TJAP1: variants seen among roughly 807,000 people sequenced by gnomAD.
TJAP1 encodes the protein tight junction-associated protein 1.
TJAP1 carries 27 observed loss-of-function variants against 42.0 expected under a neutral mutation model. The observed-to-expected ratio is 0.64, with a 90% CI of 0.47 to 0.89. The LOEUF is 0.89. Among genes scored for constraint, TJAP1 ranks in the 40% least tolerant of loss-of-function variants. The pLI, the probability that TJAP1 is intolerant of heterozygous loss-of-function variation, is 0.00. For missense variants in TJAP1, 712 were observed against 726.9 expected (o/e 0.98, Z 0.24); for synonymous variants, 257 against 288.4 (o/e 0.89, Z 1.10).
chr6:43,498,805 A>G, intron 3 of TJAP1, 173 bp from the exon 4 acceptor site: 1 of 577,850 alleles, frequency 1.7e-6, no homozygotes, highest in Non-Finnish European at 3.0e-6. Flanking sequence ...CCTTTGACCT[A>G]TGGGGACTGA....
At chr6:43,504,593 T>A in intron 10 of TJAP1, 168 bp from the exon 11 acceptor site, 1 of 866,938 alleles carries the variant, frequency 1.2e-6, no homozygotes, top group Non-Finnish European at 1.8e-6. Context: ...TCCAGGCCTA[T>A]GTGTCTGTGA....
Position 43,492,498 on chromosome 6 carries a change from G to A in TJAP1, c.-121-5383G>A, listed in dbSNP as rs1448555307. Among the ~76,000 whole-genome samples the A allele has an allele frequency of 6.6e-6, 1 of 152,146 alleles. No homozygotes were observed. Among genetic ancestry groups the A allele is most frequent in the East Asian group, 1.9e-4 (1 of 5,202 alleles). On this transcript the variant is annotated intron_variant, in intron 2 of 10. Transcript: ENST00000372449. This position sits in a 1 kb window ranked among gnomAD's most constrained non-coding sequence, Gnocchi z 4.2. ...TTGGCTGCCTGCCTGCCACGCGCCCGGGATTGCTGAAGGCTTTACTCATGT... is the reference window on the plus strand; with the variant it reads ...TTGGCTGCCTGCCTGCCACGCGCCCAGGATTGCTGAAGGCTTTACTCATGT...
rs1196752682 is a variant in TJAP1, at chr6:43,488,995, A to G, written c.-121-8886A>G. Among the ~76,000 whole-genome samples, 3 of 152,100 alleles carry G rather than the reference A, an allele frequency of 2.0e-5. No homozygotes were observed. The East Asian group carries it at 5.8e-4, about 29-fold the overall frequency. ...CCCTTTTTGCCCTGAGTCATCAGAGAGCCTGCAGGGCTTCCTAGAACAGGA... is the reference window on the plus strand; with the variant it reads ...CCCTTTTTGCCCTGAGTCATCAGAGGGCCTGCAGGGCTTCCTAGAACAGGA... On this transcript the variant is annotated intron_variant, in intron 2 of 10. Transcript: ENST00000372449.
At chr6:43,496,867 G>A (rs1582035567) in intron 2 of TJAP1, 1 of 152,298 alleles carries the variant, frequency 6.6e-6, no homozygotes, top group Non-Finnish European at 1.5e-5. Flanking sequence ...CTAATTACAG[G>A]TGGGGGCCAG....
At chr6:43,482,889 T>A (rs1331471713) in intron 2 of TJAP1, among the ~76,000 whole-genome samples, 2 of 152,142 alleles carry the variant, frequency 1.3e-5, no homozygotes, top group Admixed American at 1.3e-4. Context: ...TTTGGGAGGC[T>A]GAGGTAGGTG....
rs1263376154 is a variant in TJAP1 at position 43,478,078 on chromosome 6, C to G, written c.-267-9C>G. ...GGGAACTAAAGCCAGTCAAATGACC[C>G]TCTTCTAGGCTTAGATCAGCCTTTC... is the stretch of plus-strand genomic sequence containing the variant. On this transcript the variant is annotated splice_polypyrimidine_tract_variant and intron_variant, in intron 1 of 10. Transcript: ENST00000372449. 6.6e-6 allele frequency: 1 copy of G among 152,224 alleles called. No homozygotes were observed. The highest frequency in any genetic ancestry group is 1.5e-5 in the Non-Finnish European group (1 of 68,068). 9.4% of individuals were successfully genotyped at this position (152,224 alleles called of 1,614,324 possible).
rs116057452 is a variant in TJAP1, at chr6:43,503,556, G to A, written c.495+48G>A. 334 of 1,611,752 alleles carry A rather than the reference G, an allele frequency of 2.1e-4. No homozygotes were observed. The African/African-American group carries it at 3.5e-3, about 17-fold the overall frequency. On this transcript the variant is annotated intron_variant, in intron 9 of 10. Coordinates refer to ENST00000372449, the Ensembl canonical transcript of TJAP1. ...GCCTTCCTCACCTGGGGCTAGCTTT[G>A]TCCTGGCTCGGCCCTGCTTCCTTGG...
At position 43,495,194 on chromosome 6, in the gene TJAP1, C is replaced by G. The variant is rs1788834259; in HGVS notation, c.-121-2687C>G. The stretch of plus-strand genomic sequence containing the variant: ...GACCACTCTGATGCCATCTGCCTCA[C>G]CCCTTTACCTTCTCCCAGCTTGCAG... On this transcript the variant is annotated intron_variant, in intron 2 of 10. Transcript: ENST00000372449. The surrounding 1 kb of genome is among the most constrained non-coding windows in gnomAD (Gnocchi z 4.6). 6.6e-6 allele frequency among the ~76,000 whole-genome samples: 1 copy of G among 152,230 alleles called. No homozygotes were observed. The highest frequency in any genetic ancestry group is 2.1e-4 in the South Asian group (1 of 4,836).
chr6:43,502,120 G>T (rs1791054730), intron 6 of TJAP1, among the ~76,000 whole-genome samples, 163 bp from the exon 7 acceptor site: 2 of 137,186 alleles, frequency 1.5e-5, no homozygotes, highest in African/African-American at 6.0e-5. Context: ...TCCTTTCATA[G>T]GAGGTTAGCT....
chr6:43,483,734 C>G (rs1785813512), intron 2 of TJAP1, among the ~76,000 whole-genome samples: 3 of 152,172 alleles, frequency 2.0e-5, no homozygotes, highest in Non-Finnish European at 4.4e-5. Context: ...AGTTCCTTAA[C>G]CAGTAGGATT....
Position 43,502,282 on chromosome 6 carries a change from G to A in TJAP1, c.291-1G>A. 6.2e-7 allele frequency: 1 copy of A among 1,613,992 alleles called. No homozygotes were observed. The highest frequency in any genetic ancestry group is 8.5e-7 in the Non-Finnish European group (1 of 1,180,014). The stretch of plus-strand genomic sequence containing the variant: ...ATGTGCCTTGTATTATCCCTTTTCA[G>A]GCTGCAGAACAGCTACACGGCTTCC... On this transcript the variant is annotated splice_acceptor_variant, in intron 6 of 10. Coordinates refer to ENST00000372449, the Ensembl canonical transcript of TJAP1. LOFTEE classifies it high-confidence loss of function.
intron 2 of TJAP1, among the ~76,000 whole-genome samples, chr6:43,482,260 G>A (rs139915691): frequency 7.2e-5 from 11 of 152,328 alleles, no homozygotes; most frequent in Non-Finnish European, 1.0e-4. Flanking sequence ...TGGATTTTGA[G>A]CTGATTCTTC....
At chr6:43,499,735 A>G (rs537886703) in intron 4 of TJAP1, among the ~76,000 whole-genome samples, 1 of 152,350 alleles carries the variant, frequency 6.6e-6, no homozygotes, top group African/African-American at 2.4e-5. Flanking sequence ...CCATATCTCC[A>G]TCTGGTCACA....
intron 2 of TJAP1, among the ~76,000 whole-genome samples, chr6:43,484,994 C>T (rs564294923): frequency 2.2e-4 from 33 of 152,288 alleles, no homozygotes; most frequent in African/African-American, 6.3e-4. Context: ...TCCCAAAGTG[C>T]CAGGATTACA....
At chr6:43,488,812 T>G (rs1221332140) in intron 2 of TJAP1, among the ~76,000 whole-genome samples, 2 of 152,184 alleles carry the variant, frequency 1.3e-5, no homozygotes, top group African/African-American at 2.4e-5. Flanking sequence ...ATCTTCATAG[T>G]CAGGCCTTGG....
chr6:43,496,459 G>A lies in TJAP1; in HGVS notation c.-121-1422G>A, dbSNP rs1789177514. Among the ~76,000 whole-genome samples the A allele has an allele frequency of 1.3e-5, 2 of 152,208 alleles. 1 individual carries two copies. Among genetic ancestry groups the A allele is most frequent in the South Asian group, 4.1e-4 (2 of 4,836 alleles). On this transcript the variant is annotated intron_variant, in intron 2 of 10. Transcript: ENST00000372449. ...CGGATTCCTGTGCAGGGAGTCAGCC[G>A]ACACAGCATGTTGCATGTGCCCTGT...
At chr6:43,501,026 C>G in intron 5 of TJAP1, 1 of 530,296 alleles carries the variant, frequency 1.9e-6, no homozygotes, top group Non-Finnish European at 3.4e-6. Flanking sequence ...GCTCTTCTTG[C>G]TAAGGAGCCC....
chr6:43,488,679 G>T lies in TJAP1; in HGVS notation c.-121-9202G>T, dbSNP rs189940683. ...TTTAAAAGCACACCAGACCCAGTTG[G>T]TGTTTTTGTTTTCTTGTGGGTGAGG... On this transcript the variant is annotated intron_variant, in intron 2 of 10. Coordinates refer to ENST00000372449, the Ensembl canonical transcript of TJAP1. 3.4e-3 allele frequency among the ~76,000 whole-genome samples: 516 copies of T among 152,312 alleles called. 5 individuals carry two copies. Among genetic ancestry groups the T allele is most frequent in the Non-Finnish European group, 5.8e-3 (396 of 68,032 alleles).
intron 8 of TJAP1, 51 bp downstream of exon 8, chr6:43,502,668 C>T: frequency 6.5e-7 from 1 of 1,545,744 alleles, no homozygotes. Context: ...TTCTCCTCAG[C>T]TGAGATCTGG....
Sources: gnomAD v4.1 joint callset for allele counts (sites outside exome capture counted in the v4.1 genomes callset) on GRCh38, gnomAD v4.1.1 for gene constraint, Gnocchi (gnomAD v3.1) non-coding constraint, MANE v1.5 for transcripts, NCBI Gene and HGNC (gene_info 2026-07-23, HGNC 2026-07-21) for gene names.